ADGB: variants seen among roughly 807,000 people sequenced by gnomAD.
ADGB encodes the protein calpain-7-like protein.
ADGB carries 172 observed loss-of-function variants against 210.5 expected under a neutral mutation model. The ratio of observed to expected loss-of-function variants is 0.82; its 90% CI spans 0.72 to 0.93. The LOEUF (loss-of-function observed/expected upper bound fraction) is 0.93, where lower values mean the gene tolerates loss of function less well. Among genes scored for constraint, ADGB ranks in the 40% least tolerant of loss-of-function variants. The probability of loss-of-function intolerance (pLI) is 0.00; values close to 1 mark genes in which losing one functional copy is unlikely to be tolerated. For missense variants in ADGB, 2,025 were observed against 1,964.8 expected, an observed-to-expected ratio of 1.03 and a Z score of -0.58; for synonymous variants, 658 against 662.7, an observed-to-expected ratio of 0.99 and a Z score of 0.11.
At chr6:146,733,360 C>A in intron 21 of ADGB, 105 bp downstream of exon 21, 1 of 1,197,208 alleles carries the variant, frequency 8.4e-7, no homozygotes, top group Non-Finnish European at 1.1e-6. Flanking sequence ...TCTGTGTGGA[C>A]TGTCATGGAG....
chr6:146,806,181 T>A (rs1778208789), intron 35 of ADGB, among the ~76,000 whole-genome samples: 1 of 152,214 alleles, frequency 6.6e-6, no homozygotes, highest in Admixed American at 6.5e-5. Flanking sequence ...ATGCAGCAGA[T>A]AGGAAACGGG....
intron 27 of ADGB, among the ~76,000 whole-genome samples, chr6:146,759,405 T>A (rs575826133): frequency 1.3e-5 from 2 of 151,980 alleles, no homozygotes; most frequent in South Asian, 4.1e-4. Context: ...TAATATTGAA[T>A]ATTTTGTAAA....
intron 11 of ADGB, among the ~76,000 whole-genome samples, 175 bp downstream of exon 11, chr6:146,691,465 T>TATATAA (rs1562275624): frequency 1.0e-3 from 15 of 14,838 alleles, no homozygotes; most frequent in African/African-American, 3.4e-3. Flanking sequence ...TATAAAAATA[T>TATATAA]ATATATATAT....
Position 146,654,203 on chromosome 6 carries a change from C to T in ADGB, c.399C>T (p.Ser133=), listed in dbSNP as rs7747387. 6.5e-3 allele frequency: 10,052 copies of T among 1,541,106 alleles called. 460 individuals are homozygous for T. In the African/African-American group the frequency reaches 0.11, roughly 17 times the overall value. ...LFSANEHLLC[S]ELMRWIISEI... ...CAGCAAATGAACATTTACTCTGCAG[C>T]GAGGTATGTACAGAAATATGAACTA... The change falls in exon 4 of 36, where the codon AGC becomes AGT. Residue 133 remains serine, a synonymous_variant. Coordinates refer to ENST00000397944, the MANE Select transcript of ADGB (RefSeq NM_024694.4).
intron 18 of ADGB, chr6:146,725,088 A>G (rs1776874437): frequency 6.6e-6 from 1 of 152,240 alleles, no homozygotes; most frequent in African/African-American, 2.4e-5. Context: ...AGCATCTAGT[A>G]CTTCTACAAA....
At chr6:146,686,961 G>T (rs1776240748) in intron 10 of ADGB, among the ~76,000 whole-genome samples, 1 of 152,040 alleles carries the variant, frequency 6.6e-6, no homozygotes, top group Admixed American at 6.6e-5. Flanking sequence ...CATTACATTT[G>T]TCTTTTAGAT....
At chr6:146,721,899 C>T (rs1460653145) in intron 17 of ADGB, among the ~76,000 whole-genome samples, 7 of 151,856 alleles carry the variant, frequency 4.6e-5, no homozygotes, top group Non-Finnish European at 8.8e-5. Context: ...GAACTTCCTC[C>T]CTTTCCAGAG....
At position 146,657,041 on chromosome 6, in the gene ADGB, C is replaced by T. The variant is rs558864639; in HGVS notation, c.612+61C>T. The T allele has an allele frequency of 5.2e-4, 729 of 1,411,274 alleles. 2 individuals are homozygous for T. The highest frequency in any genetic ancestry group is 2.9e-3 in the South Asian group (227 of 77,140). The allele number at this position is 1,411,274 out of a possible 1,614,324, so 87.4% of individuals were successfully genotyped here. A position where few individuals can be genotyped will look rare whatever the true frequency, so the allele number is the denominator to read the frequency against. ...TCTTTCATATTGAAATATACTTGTCCTGGCATGGTGGCTCATGCCTGTAAT... is the reference window on the plus strand; with the variant it reads ...TCTTTCATATTGAAATATACTTGTCTTGGCATGGTGGCTCATGCCTGTAAT... On this transcript the variant is annotated intron_variant, in intron 5 of 35. Transcript: ENST00000397944.
intron 3 of ADGB, among the ~76,000 whole-genome samples, chr6:146,652,648 G>T (rs1341015771): frequency 6.6e-6 from 1 of 151,874 alleles, no homozygotes; most frequent in Non-Finnish European, 1.5e-5. Context: ...ATTTAGAAGT[G>T]TACTAATTAA....
intron 12 of ADGB, among the ~76,000 whole-genome samples, chr6:146,700,431 T>C (rs1776473984): frequency 6.6e-6 from 1 of 152,150 alleles, no homozygotes; most frequent in African/African-American, 2.4e-5. Flanking sequence ...ATACATATAC[T>C]ACAAAAATGT....
chr6:146,635,887 G>A (rs1352505996), intron 2 of ADGB, among the ~76,000 whole-genome samples: 1 of 152,056 alleles, frequency 6.6e-6, no homozygotes, highest in Non-Finnish European at 1.5e-5. Context: ...AAAATCCACA[G>A]TGGACTTGGA....
Position 146,815,257 on chromosome 6 carries a change from A to G in ADGB, c.*40A>G. 7.0e-7 allele frequency: 1 copy of G among 1,420,244 alleles called. No homozygotes were observed. The highest frequency in any genetic ancestry group is 9.2e-7 in the Non-Finnish European group (1 of 1,084,468). 88.0% of individuals were successfully genotyped at this position (1,420,244 alleles called of 1,614,324 possible). A position where few individuals can be genotyped will look rare whatever the true frequency, so the allele number is the denominator to read the frequency against. On this transcript the variant is annotated 3_prime_UTR_variant, in exon 36 of 36. Transcript: ENST00000397944. ...ATACTACCCTGCTTCTGGAGAGAAA[A>G]AATCTATTTGTAATGATCTTTAACT...
chr6:146,599,001 C>T lies in ADGB; in HGVS notation c.-40C>T. On this transcript the variant is annotated 5_prime_UTR_variant, in exon 1 of 36. Coordinates refer to ENST00000397944, the MANE Select transcript of ADGB (RefSeq NM_024694.4). ...GCGGAGCCGAGCGCGCCCGCAGGCT[C>T]TTTGCTCAGAGCTCAGCCCTACATA... The T allele has an allele frequency of 2.6e-6, 4 of 1,534,642 alleles. No individual in the cohort carries two copies. The highest frequency in any genetic ancestry group is 3.5e-6 in the Non-Finnish European group (4 of 1,131,684).
chr6:146,801,102 A>T lies in ADGB; in HGVS notation c.4538-81A>T, dbSNP rs1288716192. 5 of 633,828 alleles carry T rather than the reference A, an allele frequency of 7.9e-6. No individual in the cohort carries two copies. In the African/African-American group the frequency reaches 9.6e-5, roughly 12 times the overall value. 39.3% of individuals were successfully genotyped at this position (633,828 alleles called of 1,614,324 possible). On this transcript the variant is annotated intron_variant, in intron 33 of 35. Transcript: ENST00000397944. ...ATTTTCTGTTGAAAAACAACCAATT[A>T]AAATGAGATATAGTCATTTGGTTAG...
At chr6:146,638,563 A>C (rs991796235) in intron 2 of ADGB, among the ~76,000 whole-genome samples, 9 of 119,408 alleles carry the variant, frequency 7.5e-5, no homozygotes, top group South Asian at 5.7e-4. Context: ...ATGAGAACAC[A>C]TGGACACAGG....
chr6:146,637,961 C>T (rs190425236), intron 2 of ADGB, among the ~76,000 whole-genome samples: 116 of 151,984 alleles, frequency 7.6e-4, no homozygotes, highest in Non-Finnish European at 1.5e-4. Flanking sequence ...CCACTATCAT[C>T]GATGAACATC....
intron 1 of ADGB, among the ~76,000 whole-genome samples, chr6:146,623,813 T>G (rs1780934835): frequency 6.6e-6 from 1 of 151,908 alleles, no homozygotes; most frequent in Non-Finnish European, 1.5e-5. Context: ...TTTTCAAATG[T>G]TTCTTCTCCA....
chr6:146,746,645 T>A (rs1179266295), intron 26 of ADGB, among the ~76,000 whole-genome samples: 1 of 152,182 alleles, frequency 6.6e-6, no homozygotes, highest in Non-Finnish European at 1.5e-5. Context: ...TTTCTCATTC[T>A]CCCTATCCAT....
intron 2 of ADGB, among the ~76,000 whole-genome samples, chr6:146,639,952 T>C (rs1775483278): frequency 6.6e-6 from 1 of 151,936 alleles, no homozygotes; most frequent in African/African-American, 2.4e-5. Flanking sequence ...TGAAAAACAA[T>C]TTCAAAGATC....
Sources: gnomAD v4.1 joint callset for allele counts (sites outside exome capture counted in the v4.1 genomes callset) on GRCh38, gnomAD v4.1.1 for gene constraint, MANE v1.5 for transcripts, NCBI Gene and HGNC (gene_info 2026-07-23, HGNC 2026-07-21) for gene names.